CFAP20DC: variants seen among roughly 807,000 people sequenced by gnomAD.
CFAP20DC encodes CFAP20 domain containing.
In CFAP20DC, 84 loss-of-function variants were observed where a neutral mutation model predicts 101.7. That is an observed-to-expected ratio of 0.83 (90% CI 0.69 to 0.99). The LOEUF is 0.99. Ranked by LOEUF, CFAP20DC falls within the 50% of genes least tolerant of loss-of-function variation. The pLI is 0.00. For synonymous variants in CFAP20DC, 359 were observed against 351.2 expected, an observed-to-expected ratio of 1.02 and a Z score of -0.25; for missense variants, 1,007 against 970.3, an observed-to-expected ratio of 1.04 and a Z score of -0.50.
Position 58,744,837 on chromosome 3 carries a change from G to C in CFAP20DC, c.2333-2265C>G, listed in dbSNP as rs115097640. ...ACCAGCAAATGAAACATGTACTCTG[G>C]AAAGGGTGAAGCAGAGAGTGGGGCA... On this transcript the variant is annotated intron_variant, in intron 16 of 16. Coordinates refer to ENST00000482387, the MANE Select transcript of CFAP20DC (RefSeq NM_001394063.1). Among the ~76,000 whole-genome samples, 1,237 of 152,278 alleles carry C rather than the reference G, an allele frequency of 8.1e-3. 19 individuals are homozygous for C. The highest frequency in any genetic ancestry group is 0.028 in the African/African-American group (1,182 of 41,550).
intron 4 of CFAP20DC, among the ~76,000 whole-genome samples, chr3:59,004,972 T>C (rs1248237352): frequency 6.6e-6 from 1 of 152,220 alleles, no homozygotes; most frequent in Non-Finnish European, 1.5e-5. Flanking sequence ...AGGATAGCCC[T>C]GATTTTTTAC....
chr3:58,898,426 T>G (rs2082854861), intron 6 of CFAP20DC, among the ~76,000 whole-genome samples: 1 of 152,194 alleles, frequency 6.6e-6, no homozygotes, highest in South Asian at 2.1e-4. Context: ...CCACATGCTT[T>G]GGCCTCCCAA....
intron 14 of CFAP20DC, among the ~76,000 whole-genome samples, chr3:58,822,336 C>CAAACA (rs1553682530): frequency 2.4e-5 from 3 of 126,940 alleles, no homozygotes; most frequent in Non-Finnish European, 5.0e-5. Flanking sequence ...AACAAACAAA[C>CAAACA]AAAAAAAACC....
At chr3:58,757,205 G>C (rs545784078) in intron 15 of CFAP20DC, among the ~76,000 whole-genome samples, 1 of 152,144 alleles carries the variant, frequency 6.6e-6, no homozygotes, top group Non-Finnish European at 1.5e-5. Flanking sequence ...CTGATTTCCC[G>C]AGAGCAACTT....
At chr3:58,844,823 C>T (rs1434253867) in intron 13 of CFAP20DC, among the ~76,000 whole-genome samples, 4 of 138,440 alleles carry the variant, frequency 2.9e-5, no homozygotes, top group African/African-American at 1.2e-4. Flanking sequence ...TCTCAGACCA[C>T]AGTGCAATCA....
chr3:58,719,147 G>A (rs2107040446), intron 3 of CFAP20DC, among the ~76,000 whole-genome samples: 1 of 152,318 alleles, frequency 6.6e-6, no homozygotes, highest in Non-Finnish European at 1.5e-5. Context: ...GGGAGGCTGA[G>A]TAGGAGGATT....
intron 15 of CFAP20DC, among the ~76,000 whole-genome samples, chr3:58,798,387 G>C (rs1403517033): frequency 2.0e-5 from 3 of 152,210 alleles, no homozygotes; most frequent in East Asian, 1.9e-4. Flanking sequence ...AAGAGAACTA[G>C]AGTTAGAAAT....
intron 1 of CFAP20DC, among the ~76,000 whole-genome samples, chr3:59,049,241 A>G (rs1345464306): frequency 6.6e-6 from 1 of 152,222 alleles, no homozygotes; most frequent in Non-Finnish European, 1.5e-5. Context: ...CTGAGATACC[A>G]GTGTTGCATG....
chr3:58,980,377 C>A (rs987836613), intron 4 of CFAP20DC, among the ~76,000 whole-genome samples: 1 of 152,136 alleles, frequency 6.6e-6, no homozygotes, highest in Admixed American at 6.5e-5. Flanking sequence ...CATCCTGATA[C>A]CAAAGGACGG....
At chr3:58,838,148 T>A (rs1386384877) in intron 13 of CFAP20DC, among the ~76,000 whole-genome samples, 1 of 152,186 alleles carries the variant, frequency 6.6e-6, no homozygotes, top group Non-Finnish European at 1.5e-5. Flanking sequence ...ATGGTAGCTT[T>A]TAGCACGTGT....
At chr3:58,791,315 A>G (rs1027055175) in intron 15 of CFAP20DC, among the ~76,000 whole-genome samples, 3 of 152,170 alleles carry the variant, frequency 2.0e-5, no homozygotes, top group Non-Finnish European at 4.4e-5. Context: ...TATGAGTATT[A>G]TTTCATTTAA....
chr3:58,960,295 C>T (rs1426785463), intron 4 of CFAP20DC, among the ~76,000 whole-genome samples: 1 of 150,954 alleles, frequency 6.6e-6, no homozygotes, highest in Admixed American at 6.6e-5. Flanking sequence ...GAGTTCGGGA[C>T]TAGCCTGACC....
chr3:58,936,185 A>G (rs922287556), intron 5 of CFAP20DC, among the ~76,000 whole-genome samples: 3 of 152,196 alleles, frequency 2.0e-5, no homozygotes, highest in African/African-American at 7.2e-5. Flanking sequence ...GCTCATCATC[A>G]CTGGCCATCA....
rs2081486392 is a variant in CFAP20DC, at chr3:58,884,779, T to C, written c.551-70A>G. ...CTGCCAAATGGACCTATCATATAAA[T>C]GAAATCAATTAAAATTAAAGATTTT... On this transcript the variant is annotated intron_variant, in intron 6 of 16. Coordinates refer to ENST00000482387, the MANE Select transcript of CFAP20DC (RefSeq NM_001394063.1). 3.2e-6 allele frequency: 4 copies of C among 1,255,482 alleles called. No homozygotes were observed. The Admixed American group carries it at 6.5e-5, about 20-fold the overall frequency. 77.8% of individuals were successfully genotyped at this position (1,255,482 alleles called of 1,614,324 possible).
intron 2 of CFAP20DC, 144 bp downstream of exon 2, chr3:59,047,020 AC>A (rs2109321618): frequency 1.6e-6 from 1 of 615,156 alleles, no homozygotes; most frequent in East Asian, 2.8e-5. Flanking sequence ...GGTGTCCAGG[AC>A]AGCTGCAGCC....
At position 58,859,119 on chromosome 3, in the gene CFAP20DC, G is replaced by A. The variant is rs1365727849; in HGVS notation, c.1593+4439C>T. 1.3e-5 allele frequency among the ~76,000 whole-genome samples: 2 copies of A among 152,200 alleles called. No individual in the cohort carries two copies. Among genetic ancestry groups the A allele is most frequent in the Non-Finnish European group, 1.5e-5 (1 of 68,002 alleles). Reference sequence around the variant, plus strand: ...AGTTGTGTCTTATAATACATTTTACGAGTTTGTAAACAAATAAAATAAAAG... The same window carrying A: ...AGTTGTGTCTTATAATACATTTTACAAGTTTGTAAACAAATAAAATAAAAG... On this transcript the variant is annotated intron_variant, in intron 12 of 16. Coordinates refer to ENST00000482387, the MANE Select transcript of CFAP20DC (RefSeq NM_001394063.1). The surrounding 1 kb of genome is among the most constrained non-coding windows in gnomAD (Gnocchi z 4.1).
intron 4 of CFAP20DC, among the ~76,000 whole-genome samples, chr3:59,036,105 G>A (rs6762039): frequency 0.24 from 36,828 of 151,976 alleles, 5,153 homozygotes; most frequent in African/African-American, 0.39. Context: ...ATATCCCTTT[G>A]TGCTAAAAGT....
At chr3:58,937,567 A>G in intron 5 of CFAP20DC, 81 bp downstream of exon 5, 1 of 853,906 alleles carries the variant, frequency 1.2e-6, no homozygotes, top group Non-Finnish European at 2.0e-6. Context: ...TTAACAAAGT[A>G]CCTCACATAT....
chr3:59,028,200 AT>A (rs2093926678), intron 4 of CFAP20DC, among the ~76,000 whole-genome samples: 1 of 152,224 alleles, frequency 6.6e-6, no homozygotes, highest in Non-Finnish European at 1.5e-5. Flanking sequence ...ATCCTGAATA[AT>A]ACAATTTTTG....
Sources: gnomAD v4.1 joint callset for allele counts (sites outside exome capture counted in the v4.1 genomes callset) on GRCh38, gnomAD v4.1.1 for gene constraint, Gnocchi (gnomAD v3.1) non-coding constraint, MANE v1.5 for transcripts, NCBI Gene and HGNC (gene_info 2026-07-23, HGNC 2026-07-21) for gene names.